Variants in ABLIM1 observed in about 807,000 individuals in gnomAD.
ABLIM1 encodes actin-binding LIM protein 1.
A neutral mutation model predicts 107.0 loss-of-function variants in ABLIM1; 40 were observed. The ratio of observed to expected loss-of-function variants is 0.37; its 90% CI spans 0.29 to 0.49. The LOEUF (loss-of-function observed/expected upper bound fraction) is 0.49. Ranked by LOEUF, ABLIM1 falls within the 20% of genes least tolerant of loss-of-function variation. The pLI, the probability that ABLIM1 is intolerant of heterozygous loss-of-function variation, is 0.97. For synonymous variants in ABLIM1, 357 were observed against 357.3 expected (o/e 1.00, Z 0.01); for missense variants, 857 against 1,008.5 (o/e 0.85, Z 2.04).
chr10:114,487,467 G>C (rs1247781104), intron 8 of ABLIM1, among the ~76,000 whole-genome samples: 1 of 152,174 alleles, frequency 6.6e-6, no homozygotes, highest in Non-Finnish European at 1.5e-5. Context: ...TACCTGTCTT[G>C]GTTGGTTATT....
At chr10:114,703,412 C>A (rs182428434) in intron 1 of ABLIM1, among the ~76,000 whole-genome samples, 5 of 152,320 alleles carry the variant, frequency 3.3e-5, no homozygotes, top group African/African-American at 9.6e-5. Flanking sequence ...TGTGTGTGTG[C>A]CTTCCAGCAG....
chr10:114,780,284 T>C, the ABLIM1 span, among the ~76,000 whole-genome samples: 1 of 152,232 alleles, frequency 6.6e-6, no homozygotes, highest in East Asian at 1.9e-4. Flanking sequence ...TGGGAAGAAA[T>C]CAAGTGGCTC....
chr10:114,543,418 G>A (rs2066933690), intron 6 of ABLIM1, among the ~76,000 whole-genome samples: 1 of 152,166 alleles, frequency 6.6e-6, no homozygotes, highest in Admixed American at 6.5e-5. Flanking sequence ...TACAATATGT[G>A]GCTTTTTGTG....
rs1224507665 is a variant in ABLIM1, at chr10:114,465,769, T to C, written c.1370A>G (p.Asn457Ser). The change falls in exon 12 of 23, where the codon AAC becomes AGC. Residue 457 changes from asparagine (N) to serine (S), a missense_variant. Coordinates refer to ENST00000533213, the MANE Select transcript of ABLIM1 (RefSeq NM_002313.7). ...GCTGTGGCGGCTGTACACAGGGGAG[T>C]TGATGGAGCCCTGGCTCGTGGACCG... ...IHRSTSQGSI[N>S]SPVYSRHSYT... 7.4e-6 allele frequency: 12 copies of C among 1,612,602 alleles called. No homozygotes were observed. The highest frequency in any genetic ancestry group is 2.2e-5 in the East Asian group (1 of 44,828).
intron 1 of ABLIM1, among the ~76,000 whole-genome samples, chr10:114,721,238 G>A (rs759856529): frequency 6.6e-6 from 1 of 152,176 alleles, no homozygotes. Context: ...CTAGTTAGCA[G>A]TAACTCCCTG....
intron 1 of ABLIM1, among the ~76,000 whole-genome samples, chr10:114,727,190 C>T (rs922608241): frequency 1.3e-5 from 2 of 152,174 alleles, no homozygotes; most frequent in Non-Finnish European, 2.9e-5. Context: ...TGTATGGTGT[C>T]ACCTGCCAAA....
At chr10:114,698,423 A>T (rs1398378805) in intron 1 of ABLIM1, among the ~76,000 whole-genome samples, 49 of 150,922 alleles carry the variant, frequency 3.2e-4, no homozygotes, top group Non-Finnish European at 6.4e-4. Context: ...AAAAAAAAAA[A>T]GAATTAAGAG....
At chr10:114,747,259 C>G (rs985682251) in intron 1 of ABLIM1, among the ~76,000 whole-genome samples, 1 of 152,186 alleles carries the variant, frequency 6.6e-6, no homozygotes, top group Admixed American at 6.5e-5. Flanking sequence ...GTGGGCCATC[C>G]AGGCCATGAA....
At chr10:114,547,944 C>T (rs977789863) in intron 4 of ABLIM1, among the ~76,000 whole-genome samples, 168 bp from the exon 5 acceptor site, 7 of 152,208 alleles carry the variant, frequency 4.6e-5, no homozygotes, top group African/African-American at 1.7e-4. Flanking sequence ...TTGGTGAAGG[C>T]TCACAGGCTG....
At chr10:114,470,370 C>A (rs550845009) in intron 10 of ABLIM1, among the ~76,000 whole-genome samples, 6 of 141,466 alleles carry the variant, frequency 4.2e-5, no homozygotes, top group South Asian at 2.3e-4. Flanking sequence ...TTGCAGTGAG[C>A]CAAGATTGCA....
At chr10:114,611,302 A>C (rs1353622059) in intron 1 of ABLIM1, among the ~76,000 whole-genome samples, 1 of 152,114 alleles carries the variant, frequency 6.6e-6, no homozygotes, top group Non-Finnish European at 1.5e-5. Flanking sequence ...CCCCTTCTCT[A>C]CTAAAAATAC....
rs2138896052 is a variant in ABLIM1, at chr10:114,436,016, G to C, written c.*244C>G. 4.2e-6 allele frequency: 2 copies of C among 471,664 alleles called. No individual in the cohort carries two copies. The highest frequency in any genetic ancestry group is 6.7e-5 in the East Asian group (2 of 29,788). 29.2% of individuals were successfully genotyped at this position (471,664 alleles called of 1,614,324 possible). ...TTGTATACATAAGGTAATGTGAAAA[G>C]CTCACATGTGGACACTACTCTGTGT... On this transcript the variant is annotated 3_prime_UTR_variant, in exon 23 of 23. Coordinates refer to ENST00000533213, the MANE Select transcript of ABLIM1 (RefSeq NM_002313.7).
At chr10:114,469,979 C>T (rs1276976202) in intron 10 of ABLIM1, among the ~76,000 whole-genome samples, 1 of 152,190 alleles carries the variant, frequency 6.6e-6, no homozygotes, top group Admixed American at 6.5e-5. Flanking sequence ...GTCTCCTCTG[C>T]AGCTACAGCC....
chr10:114,494,885 C>A (rs776105372), intron 6 of ABLIM1, among the ~76,000 whole-genome samples: 32 of 152,210 alleles, frequency 2.1e-4, no homozygotes, highest in Non-Finnish European at 4.4e-4. Context: ...ATAGAACTTA[C>A]CCCACGCAGT....
At chr10:114,675,155 A>C (rs1026425865) in intron 1 of ABLIM1, among the ~76,000 whole-genome samples, 5 of 152,114 alleles carry the variant, frequency 3.3e-5, no homozygotes, top group African/African-American at 1.2e-4. Context: ...CAATCATTGA[A>C]GAGCTGTCAT....
intron 2 of ABLIM1, among the ~76,000 whole-genome samples, chr10:114,585,389 A>C (rs946689802): frequency 3.3e-5 from 5 of 152,168 alleles, no homozygotes; most frequent in Non-Finnish European, 7.4e-5. Flanking sequence ...GTGTGTCTAT[A>C]AACTGACCTT....
chr10:114,713,631 T>C (rs2081600120), intron 1 of ABLIM1, among the ~76,000 whole-genome samples: 1 of 152,252 alleles, frequency 6.6e-6, no homozygotes. Context: ...GGTCTTTTTT[T>C]AGTAGCACTA....
chr10:114,693,649 CT>C lies in ABLIM1; in HGVS notation c.-213+74411del, dbSNP rs374313717. Among the ~76,000 whole-genome samples the C allele has an allele frequency of 3.4e-3, 496 of 146,690 alleles. 3 individuals are homozygous for C. Among genetic ancestry groups the C allele is most frequent in the African/African-American group, 0.01 (411 of 40,226 alleles). The stretch of plus-strand genomic sequence containing the variant: ...GTTTTTTCTTTCTTTCTTTTTATTT[CT>C]TTTTTTTTTTCTTTCAGAAACAGGG... On this transcript the variant is annotated intron_variant, in intron 1 of 15. Coordinates refer to the ABLIM1 transcript ENST00000651092.
chr10:114,560,615 T>C (rs1378475911), intron 4 of ABLIM1, among the ~76,000 whole-genome samples: 1 of 152,206 alleles, frequency 6.6e-6, no homozygotes, highest in Non-Finnish European at 1.5e-5. Flanking sequence ...TAGTAAGCTA[T>C]ACCATCTAGG....
Sources: allele counts gnomAD v4.1 joint callset (sites outside exome capture counted in the v4.1 genomes callset), GRCh38; gene constraint gnomAD v4.1.1; transcripts MANE v1.5; gene names NCBI Gene and HGNC (gene_info 2026-07-23, HGNC 2026-07-21).